The following LRTM1 variants were observed in gnomAD, a reference collection of about 807,000 sequenced individuals.
The protein encoded by LRTM1 is leucine rich repeat transmembrane protein 1, also known as leucine-rich repeat and transmembrane domain-containing protein 1.
Under a neutral mutation model 32.4 loss-of-function variants are expected in LRTM1, and 38 were observed. The ratio of observed to expected loss-of-function variants is 1.17; its 90% CI spans 0.91 to 1.54. LRTM1 has a LOEUF of 1.54. Among genes scored for constraint, LRTM1 ranks in the 40% most tolerant of loss-of-function variants. The probability of loss-of-function intolerance (pLI) is 0.00; values close to 1 mark genes in which losing one functional copy is unlikely to be tolerated. For synonymous variants in LRTM1, 186 were observed against 169.9 expected (o/e 1.09, Z -0.74); for missense variants, 466 against 415.4 (o/e 1.12, Z -1.06).
At chr3:54,951,842 A>G (rs374067309) in intron 1 of LRTM1, among the ~76,000 whole-genome samples, 9 of 152,090 alleles carry the variant, frequency 5.9e-5, no homozygotes, top group East Asian at 1.9e-4. Context: ...AGGACCAGCC[A>G]TGCTTGTTAT....
upstream of LRTM1, among the ~76,000 whole-genome samples, chr3:54,932,223 A>G (rs1701208032): frequency 6.6e-6 from 1 of 152,162 alleles, no homozygotes; most frequent in African/African-American, 2.4e-5. Context: ...AGAACTAAAT[A>G]TACCCATCTG....
Position 54,924,604 on chromosome 3 carries a change from A to G in LRTM1, c.604+15T>C. On this transcript the variant is annotated intron_variant, in intron 2 of 2. Coordinates refer to ENST00000273286, the MANE Select transcript of LRTM1 (RefSeq NM_020678.4). ...GTAACACACAGATGGGGGGTTCCAAATAGACATGACTGACCTTTATAGACA... is the reference window on the plus strand; with the variant it reads ...GTAACACACAGATGGGGGGTTCCAAGTAGACATGACTGACCTTTATAGACA... The G allele has an allele frequency of 1.9e-6, 3 of 1,596,542 alleles. No homozygotes were observed. The highest frequency in any genetic ancestry group is 2.6e-6 in the Non-Finnish European group (3 of 1,165,198).
rs540016452 is a variant in LRTM1 at position 54,925,294 on chromosome 3, C to T, written c.8-79G>A. Reference sequence around the variant, plus strand: ...CAGCACTTTTCCGCCTTTGAATTTACAGGTAATGTGCTTTCCAGCCAGGTG... The same window carrying T: ...CAGCACTTTTCCGCCTTTGAATTTATAGGTAATGTGCTTTCCAGCCAGGTG... On this transcript the variant is annotated intron_variant, in intron 1 of 2. Transcript: ENST00000273286. The T allele has an allele frequency of 5.6e-5, 67 of 1,199,442 alleles. No homozygotes were observed. In the South Asian group the frequency reaches 8.3e-4, roughly 15 times the overall value. The allele number at this position is 1,199,442 out of a possible 1,614,324, so 74.3% of individuals were successfully genotyped here.
chr3:54,926,823 G>C (rs1480046007), intron 1 of LRTM1, among the ~76,000 whole-genome samples: 1 of 152,118 alleles, frequency 6.6e-6, no homozygotes, highest in Non-Finnish European at 1.5e-5. Context: ...TCCTTGTTCA[G>C]ACTGCCTTGG....
At chr3:54,959,133 A>G (rs2107040606) in intron 1 of LRTM1, among the ~76,000 whole-genome samples, 1 of 152,322 alleles carries the variant, frequency 6.6e-6, no homozygotes, top group East Asian at 1.9e-4. Context: ...CAATCCTATT[A>G]GAGTGCTGTC....
chr3:54,957,250 C>T (rs1302098465), intron 1 of LRTM1, among the ~76,000 whole-genome samples: 1 of 152,084 alleles, frequency 6.6e-6, no homozygotes, highest in African/African-American at 2.4e-5. Flanking sequence ...GCCTCAAACT[C>T]CTGGGCTCAG....
chr3:54,941,489 C>T (rs1701464329), intron 1 of LRTM1, among the ~76,000 whole-genome samples: 1 of 152,138 alleles, frequency 6.6e-6, no homozygotes, highest in South Asian at 2.1e-4. Context: ...TTTTCCCCCT[C>T]CATTCATTGT....
chr3:54,928,624 G>A (rs1009957086), upstream of LRTM1, among the ~76,000 whole-genome samples: 3 of 152,132 alleles, frequency 2.0e-5, no homozygotes, highest in African/African-American at 7.2e-5. Context: ...GTTTCCTTTA[G>A]TGGACATCAC....
chr3:54,949,678 C>T (rs949492735), intron 1 of LRTM1, among the ~76,000 whole-genome samples: 1 of 152,164 alleles, frequency 6.6e-6, no homozygotes, highest in Non-Finnish European at 1.5e-5. Flanking sequence ...CCTGAAAAAC[C>T]GCCCAACATC....
chr3:54,944,396 G>GTATT (rs542683931), intron 1 of LRTM1, among the ~76,000 whole-genome samples: 13,719 of 148,556 alleles, frequency 0.092, 657 homozygotes, highest in East Asian at 0.13. Flanking sequence ...ATTTCCCAGG[G>GTATT]TATTTATTTA....
intron 1 of LRTM1, among the ~76,000 whole-genome samples, chr3:54,945,213 A>G (rs1490112159): frequency 2.6e-5 from 4 of 152,090 alleles, no homozygotes; most frequent in African/African-American, 9.7e-5. Flanking sequence ...GTTTTTCAGG[A>G]ATATATAAGT....
intron 2 of LRTM1, among the ~76,000 whole-genome samples, chr3:54,921,974 C>T (rs1700865358): frequency 6.6e-6 from 1 of 152,138 alleles, no homozygotes; most frequent in Non-Finnish European, 1.5e-5. Flanking sequence ...TTCAATATAT[C>T]TATAATCAGA....
At position 54,924,755 on chromosome 3, in the gene LRTM1, G is replaced by T. The variant is rs1029902385; in HGVS notation, c.468C>A (p.Asn156Lys). 5 of 1,614,130 alleles carry T rather than the reference G, an allele frequency of 3.1e-6. No homozygotes were observed. The highest frequency in any genetic ancestry group is 4.2e-6 in the Non-Finnish European group (5 of 1,180,012). Reference sequence around the variant, plus strand: ...GCGCTCGATCAAGCTGCTGAAGCTGGTTTTGTTGAACCGCAAGTATAGTTA... The same window carrying T: ...GCGCTCGATCAAGCTGCTGAAGCTGTTTTTGTTGAACCGCAAGTATAGTTA... ...ENLTILAVQQ[N>K]QLQQLDRALL... Residue 156 changes from asparagine to lysine, a missense_variant, in exon 2 of 3, where the codon AAC becomes AAA. Physicochemically the swap from Asn to Lys is moderately conservative, Grantham distance 94. Transcript: ENST00000273286.
rs550525206 is a variant in LRTM1 at position 54,927,580 on chromosome 3, A to G, written c.7+325T>C. ...GCTTGCCTCTCTGAGATTGTAGCCA[A>G]TTTGTTCATTCTTTCTTTGGTTCCA... On this transcript the variant is annotated intron_variant, in intron 1 of 2. Transcript: ENST00000273286. Among the ~76,000 whole-genome samples, 4 of 152,268 alleles carry G rather than the reference A, an allele frequency of 2.6e-5. No homozygotes were observed. In the East Asian group the frequency reaches 7.7e-4, roughly 29 times the overall value.
upstream of LRTM1, among the ~76,000 whole-genome samples, chr3:54,929,258 G>A (rs925318347): frequency 6.6e-6 from 1 of 152,116 alleles, no homozygotes; most frequent in Non-Finnish European, 1.5e-5. Flanking sequence ...GATTAAATAT[G>A]GCAGTACACG....
At chr3:54,949,279 G>A (rs1362317084) in intron 1 of LRTM1, among the ~76,000 whole-genome samples, 2 of 152,198 alleles carry the variant, frequency 1.3e-5, no homozygotes, top group South Asian at 2.1e-4. Flanking sequence ...CACATGGACT[G>A]GAAATTGGAG....
intron 1 of LRTM1, among the ~76,000 whole-genome samples, chr3:54,948,272 G>T (rs1259862420): frequency 6.6e-6 from 1 of 152,160 alleles, no homozygotes; most frequent in Non-Finnish European, 1.5e-5. Flanking sequence ...GTGACCTCTT[G>T]AGAGCCCATC....
At chr3:54,965,909 G>A (rs1487418330) in intron 1 of LRTM1, among the ~76,000 whole-genome samples, 1 of 152,130 alleles carries the variant, frequency 6.6e-6, no homozygotes, top group Non-Finnish European at 1.5e-5. Context: ...ACCAGGACGA[G>A]GATGCAGCCT....
chr3:54,923,406 C>T (rs951129036), intron 2 of LRTM1, among the ~76,000 whole-genome samples: 2 of 152,128 alleles, frequency 1.3e-5, no homozygotes, highest in Non-Finnish European at 2.9e-5. Context: ...CATTCCTCCT[C>T]AGTCTTTGGG....
Sources: gnomAD v4.1 joint callset for allele counts (sites outside exome capture counted in the v4.1 genomes callset) on GRCh38, gnomAD v4.1.1 for gene constraint, MANE v1.5 for transcripts, NCBI Gene and HGNC (gene_info 2026-07-23, HGNC 2026-07-21) for gene names.